Variants in ATXN1 observed in about 807,000 individuals in gnomAD.
ATXN1 encodes the protein ataxin-1.
In ATXN1, 8 loss-of-function variants were observed where a neutral mutation model predicts 56.4. The observed-to-expected ratio is 0.14, with a 90% CI of 0.08 to 0.26. ATXN1 has a LOEUF of 0.26. ATXN1 is among the 10% of genes least tolerant of loss of function. The pLI, the probability that ATXN1 is intolerant of heterozygous loss-of-function variation, is 1.00. For synonymous variants in ATXN1, 514 were observed against 494.6 expected, an observed-to-expected ratio of 1.04 and a Z score of -0.52; for missense variants, 987 against 1,106.5, an observed-to-expected ratio of 0.89 and a Z score of 1.53.
chr6:16,391,197 T>TATGTTTCTGTGG (rs1758348737), intron 6 of ATXN1, among the ~76,000 whole-genome samples: 1 of 150,554 alleles, frequency 6.6e-6, no homozygotes, highest in Non-Finnish European at 1.5e-5. Context: ...TATGAAGGTC[T>TATGTTTCTGTGG]TCTGAAAACA....
intron 6 of ATXN1, among the ~76,000 whole-genome samples, chr6:16,428,553 C>T (rs555228742): frequency 6.6e-6 from 1 of 152,120 alleles, no homozygotes; most frequent in Non-Finnish European, 1.5e-5. Flanking sequence ...GTTCCAAGAG[C>T]TTGACATTCA....
At chr6:16,610,839 C>T (rs1022859737) in intron 3 of ATXN1, among the ~76,000 whole-genome samples, 3 of 143,900 alleles carry the variant, frequency 2.1e-5, no homozygotes, top group Non-Finnish European at 4.5e-5. Flanking sequence ...CCCGGGACAA[C>T]ACATCGAGAC....
intron 6 of ATXN1, among the ~76,000 whole-genome samples, chr6:16,380,806 A>G (rs954253978): frequency 6.6e-6 from 1 of 152,144 alleles, no homozygotes; most frequent in African/African-American, 2.4e-5. Flanking sequence ...GACCCCCAAA[A>G]AACTACCACT....
At chr6:16,439,221 A>G (rs993553340) in intron 6 of ATXN1, among the ~76,000 whole-genome samples, 1 of 151,616 alleles carries the variant, frequency 6.6e-6, no homozygotes. Context: ...GTTCCTTTAT[A>G]GTATTACTAT....
chr6:16,483,423 G>A (rs2113652859), intron 6 of ATXN1, among the ~76,000 whole-genome samples: 1 of 152,198 alleles, frequency 6.6e-6, no homozygotes, highest in Non-Finnish European at 1.5e-5. Flanking sequence ...CAGGCTTTGG[G>A]GCATGCAGGA....
chr6:16,378,022 C>T (rs1411177159), intron 6 of ATXN1, among the ~76,000 whole-genome samples: 1 of 152,218 alleles, frequency 6.6e-6, no homozygotes, highest in Admixed American at 6.5e-5. Context: ...GGAGGGCCAT[C>T]TCGGGCACCA....
At chr6:16,452,030 C>T (rs1417969679) in intron 6 of ATXN1, among the ~76,000 whole-genome samples, 3 of 152,216 alleles carry the variant, frequency 2.0e-5, no homozygotes, top group East Asian at 3.9e-4. Context: ...AATGTCAGGC[C>T]GTTCTTAGAT....
At chr6:16,325,490 C>A (rs1245477836) in intron 7 of ATXN1, among the ~76,000 whole-genome samples, 6 of 152,080 alleles carry the variant, frequency 3.9e-5, no homozygotes, top group African/African-American at 1.4e-4. Flanking sequence ...CCAGAGCACA[C>A]TGGAATTATC....
intron 4 of ATXN1, among the ~76,000 whole-genome samples, chr6:16,529,795 T>C (rs963557458): frequency 2.0e-5 from 3 of 152,206 alleles, no homozygotes; most frequent in African/African-American, 7.2e-5. Flanking sequence ...TACATGTCTC[T>C]ATGAGGAGCA....
intron 4 of ATXN1, among the ~76,000 whole-genome samples, chr6:16,571,917 C>G (rs1019144187): frequency 6.6e-6 from 1 of 152,158 alleles, no homozygotes; most frequent in Non-Finnish European, 1.5e-5. Flanking sequence ...TCCACCTCAG[C>G]CCCCCAAAGT....
At chr6:16,379,732 T>A (rs1762213588) in intron 6 of ATXN1, among the ~76,000 whole-genome samples, 1 of 152,256 alleles carries the variant, frequency 6.6e-6, no homozygotes, top group Admixed American at 6.5e-5. Context: ...CTTACGCAGG[T>A]AATAAATGAC....
At chr6:16,397,132 T>C (rs1330136158) in intron 6 of ATXN1, among the ~76,000 whole-genome samples, 1 of 152,234 alleles carries the variant, frequency 6.6e-6, no homozygotes. Context: ...TACAATCTCA[T>C]GGTTGGTAAT....
At chr6:16,384,012 T>G (rs1758188475) in intron 6 of ATXN1, among the ~76,000 whole-genome samples, 1 of 152,246 alleles carries the variant, frequency 6.6e-6, no homozygotes, top group Non-Finnish European at 1.5e-5. Context: ...GTGGGGTATG[T>G]AGAATGTGTT....
intron 4 of ATXN1, among the ~76,000 whole-genome samples, chr6:16,581,210 TGTGTGTGTGTGTGTGC>T (rs1489151652): frequency 7.0e-6 from 1 of 142,384 alleles, no homozygotes; most frequent in Non-Finnish European, 1.6e-5. Context: ...TGTGTGTGTG[TGTGTGTGTGTGTGTGC>T]GCGCGTGTGT....
intron 6 of ATXN1, among the ~76,000 whole-genome samples, chr6:16,377,998 C>T (rs1347913135): frequency 6.6e-6 from 1 of 152,220 alleles, no homozygotes; most frequent in African/African-American, 2.4e-5. Flanking sequence ...CGCCTTCTGC[C>T]TACTTCATGG....
chr6:16,723,713 A>G (rs954057178), intron 2 of ATXN1, among the ~76,000 whole-genome samples: 7 of 152,162 alleles, frequency 4.6e-5, no homozygotes, highest in Non-Finnish European at 1.0e-4. Flanking sequence ...AATTAATAAC[A>G]TAGTGCACTT....
intron 6 of ATXN1, among the ~76,000 whole-genome samples, chr6:16,354,778 GTTC>G (rs760592618): frequency 6.6e-6 from 1 of 152,186 alleles, no homozygotes; most frequent in Non-Finnish European, 1.5e-5. Flanking sequence ...TCTCTGGGTT[GTTC>G]TTCTGATTTG....
At chr6:16,654,662 G>A (rs1758155496) in intron 3 of ATXN1, among the ~76,000 whole-genome samples, 1 of 151,786 alleles carries the variant, frequency 6.6e-6, no homozygotes, top group Non-Finnish European at 1.5e-5. Flanking sequence ...AACTTTGATA[G>A]AGATAGTCCC....
At chr6:16,674,786 A>C (rs1758625256) in intron 2 of ATXN1, among the ~76,000 whole-genome samples, 1 of 152,176 alleles carries the variant, frequency 6.6e-6, no homozygotes, top group Non-Finnish European at 1.5e-5. Context: ...CTCTGATGGC[A>C]AAACAGATGG....
Sources: allele counts gnomAD v4.1 joint callset (sites outside exome capture counted in the v4.1 genomes callset), GRCh38; gene constraint gnomAD v4.1.1; transcripts MANE v1.5; gene names NCBI Gene and HGNC (gene_info 2026-07-23, HGNC 2026-07-21).